Variants in CACNA1A observed in about 807,000 individuals in gnomAD.
The protein encoded by CACNA1A is voltage-dependent P/Q-type calcium channel subunit alpha-1A.
CACNA1A carries 57 observed loss-of-function variants against 262.4 expected under a neutral mutation model. That is an observed-to-expected ratio of 0.22 (90% CI 0.18 to 0.27). The LOEUF is 0.27. Ranked by LOEUF, CACNA1A falls within the 10% of genes least tolerant of loss-of-function variation. The probability of loss-of-function intolerance (pLI) is 1.00; values close to 1 mark genes in which losing one functional copy is unlikely to be tolerated. For missense variants in CACNA1A, 2,526 were observed against 3,562.8 expected (o/e 0.71, Z 7.41); for synonymous variants, 1,431 against 1,419.3 (o/e 1.01, Z -0.18).
intron 2 of CACNA1A, 88 bp downstream of exon 2, chr19:13,455,019 G>C (rs1430708315): frequency 4.2e-6 from 3 of 721,360 alleles, no homozygotes; most frequent in Non-Finnish European, 7.3e-6. Flanking sequence ...CCAGGACTGA[G>C]AGCCTCCTCT....
chr19:13,490,858 A>G (rs12981918), intron 1 of CACNA1A, among the ~76,000 whole-genome samples: 7 of 137,638 alleles, frequency 5.1e-5, no homozygotes, highest in South Asian at 2.5e-4. Context: ...GGAGGGAAAG[A>G]GAAAGGAAAG....
intron 37 of CACNA1A, chr19:13,225,353 A>C (rs1568436709): frequency 6.5e-6 from 1 of 153,450 alleles, no homozygotes; most frequent in Non-Finnish European, 1.5e-5. Flanking sequence ...TGTGACACAG[A>C]ACAGCACAGA....
chr19:13,397,307 C>G (rs1331520309), intron 3 of CACNA1A, among the ~76,000 whole-genome samples: 3 of 152,080 alleles, frequency 2.0e-5, no homozygotes, highest in Non-Finnish European at 2.9e-5. Flanking sequence ...AGACATTCTT[C>G]CAGATTCTTG....
intron 19 of CACNA1A, among the ~76,000 whole-genome samples, chr19:13,291,843 T>A (rs1328694446): frequency 2.0e-5 from 3 of 151,888 alleles, no homozygotes; most frequent in South Asian, 4.2e-4. Context: ...GGGGGTACCG[T>A]AAGAATTAGA....
At chr19:13,377,914 G>C (rs1044399359) in intron 3 of CACNA1A, among the ~76,000 whole-genome samples, 4 of 151,712 alleles carry the variant, frequency 2.6e-5, no homozygotes, top group African/African-American at 7.3e-5. Context: ...GATCACTTGA[G>C]GCCAAGAGTT....
chr19:13,465,246 C>T (rs2061212870), intron 1 of CACNA1A, among the ~76,000 whole-genome samples: 1 of 151,970 alleles, frequency 6.6e-6, no homozygotes, highest in African/African-American at 2.4e-5. Context: ...TCCTTTTCTT[C>T]AAGGAGGGAG....
chr19:13,392,930 C>T (rs1270744468), intron 3 of CACNA1A, among the ~76,000 whole-genome samples: 3 of 152,194 alleles, frequency 2.0e-5, no homozygotes, highest in South Asian at 2.1e-4. Context: ...TATTTTTTTG[C>T]GGAGACGGGG....
rs568938516 is a variant in CACNA1A at position 13,264,883 on chromosome 19, T to A, written c.3990-2050A>T. ...TGTTCATTTTCCCTTTAATCTTTTT[T>A]TTTTTTTTTGAGATGGAGTCTTGCT... On this transcript the variant is annotated intron_variant, in intron 24 of 46. Transcript: ENST00000360228. 1.1e-4 allele frequency among the ~76,000 whole-genome samples: 17 copies of A among 149,076 alleles called. No homozygotes were observed. The East Asian group carries it at 1.9e-3, about 16-fold the overall frequency.
chr19:13,276,410 C>A (rs1600225674), intron 23 of CACNA1A, among the ~76,000 whole-genome samples: 1 of 152,194 alleles, frequency 6.6e-6, no homozygotes, highest in Non-Finnish European at 1.5e-5. Context: ...CAAAGGGCAC[C>A]TGTGAACACC....
intron 24 of CACNA1A, among the ~76,000 whole-genome samples, chr19:13,266,306 A>C (rs2056862120): frequency 6.6e-6 from 1 of 152,058 alleles, no homozygotes; most frequent in Non-Finnish European, 1.5e-5. Context: ...TCCTGGGCTC[A>C]AGTGATCCTT....
rs1380280113 is a variant in CACNA1A at position 13,212,040 on chromosome 19, G to T, written c.6303+63C>A. On this transcript the variant is annotated intron_variant, in intron 43 of 46. Coordinates refer to ENST00000360228, the MANE Select transcript of CACNA1A (RefSeq NM_001127222.2). The surrounding 1 kb of genome is among the most constrained non-coding windows in gnomAD (Gnocchi z 5.6). ...GGATGCACTGGGCTGCTTGTGGGGG[G>T]GCCTGGCCCTACCCAGTGCAGAGTG... 2 of 1,205,478 alleles carry T rather than the reference G, an allele frequency of 1.7e-6. No individual in the cohort carries two copies. The highest frequency in any genetic ancestry group is 2.4e-6 in the Non-Finnish European group (2 of 827,822). 74.7% of individuals were successfully genotyped at this position (1,205,478 alleles called of 1,614,324 possible).
intron 6 of CACNA1A, among the ~76,000 whole-genome samples, chr19:13,350,644 C>T (rs982057107): frequency 3.3e-5 from 5 of 152,074 alleles, no homozygotes; most frequent in African/African-American, 4.8e-5. Flanking sequence ...TCCAACCCAT[C>T]GCTGGGACTT....
At chr19:13,384,233 T>C (rs2059570615) in intron 3 of CACNA1A, among the ~76,000 whole-genome samples, 1 of 152,028 alleles carries the variant, frequency 6.6e-6, no homozygotes, top group Non-Finnish European at 1.5e-5. Context: ...TCAATAAATA[T>C]TGTGGTGGGT....
chr19:13,210,858 G>C (rs943017561), intron 43 of CACNA1A: 2 of 627,360 alleles, frequency 3.2e-6, no homozygotes, highest in Non-Finnish European at 5.7e-6. Context: ...GGCCCCCGGG[G>C]CTGGGCGTCC....
At chr19:13,446,162 C>G (rs2060807336) in intron 3 of CACNA1A, among the ~76,000 whole-genome samples, 2 of 150,248 alleles carry the variant, frequency 1.3e-5, no homozygotes, top group Non-Finnish European at 2.9e-5. Flanking sequence ...GTAGTCCCAG[C>G]TACTCAGGAG....
At position 13,299,071 on chromosome 19, in the gene CACNA1A, G is replaced by A. The variant is rs745558276; in HGVS notation, c.2562C>T (p.Ala854=). ...GGGCCTGTTTCCTGAGGAAGTCCTC[G>A]GCGCGCTGCTGGCCGAGGCGCTGGT... ...TVDQRLGQQR[A]EDFLRKQARY... The change falls in exon 19 of 47, where the codon GCC becomes GCT. Residue 854 remains alanine, a synonymous_variant. Transcript: ENST00000360228. 6.2e-7 allele frequency: 1 copy of A among 1,608,454 alleles called. No homozygotes were observed. The highest frequency in any genetic ancestry group is 8.5e-7 in the Non-Finnish European group (1 of 1,179,174).
intron 6 of CACNA1A, among the ~76,000 whole-genome samples, chr19:13,346,650 ATATATATATATATATATTTTTTTTTTTT>A (rs1301643419): frequency 1.9e-3 from 11 of 5,644 alleles, no homozygotes; most frequent in Non-Finnish European, 2.6e-3. Context: ...ATATATATAT[ATATATATATATATATATTTTTTTTTTTT>A]TTTTTTTTTT....
chr19:13,377,686 G>A (rs1408444368), intron 3 of CACNA1A, among the ~76,000 whole-genome samples: 1 of 152,060 alleles, frequency 6.6e-6, no homozygotes, highest in East Asian at 1.9e-4. Flanking sequence ...TGTAGCCCAT[G>A]GATCAAGAAG....
rs1474508266 is a variant in CACNA1A at position 13,207,598 on chromosome 19, G to A, written c.7236C>T (p.Gly2412=). 3.4e-6 allele frequency: 5 copies of A among 1,482,270 alleles called. No homozygotes were observed. Among genetic ancestry groups the A allele is most frequent in the East Asian group, 5.9e-5 (2 of 34,156 alleles). 91.8% of individuals were successfully genotyped at this position (1,482,270 alleles called of 1,614,324 possible). ...PGPRHHGYYR[G]SDYDEADGPG... ...GGCCATCGGCCTCGTCGTAGTCGGA[G>A]CCCCGGTAGTAGCCATGGTGCCGGG... Residue 2412 remains glycine (G), a synonymous_variant, in exon 47 of 47, where the codon GGC becomes GGT. Coordinates refer to ENST00000360228, the MANE Select transcript of CACNA1A (RefSeq NM_001127222.2). This position sits in a 1 kb window ranked among gnomAD's most constrained non-coding sequence, Gnocchi z 5.7.
Sources: gnomAD v4.1 joint callset for allele counts (sites outside exome capture counted in the v4.1 genomes callset) on GRCh38, gnomAD v4.1.1 for gene constraint, Gnocchi (gnomAD v3.1) non-coding constraint, MANE v1.5 for transcripts, NCBI Gene and HGNC (gene_info 2026-07-23, HGNC 2026-07-21) for gene names.